Variants in SEMA5B observed in about 807,000 individuals in gnomAD.
SEMA5B encodes semaphorin 5B.
SEMA5B carries 66 observed loss-of-function variants against 135.0 expected under a neutral mutation model. That is an observed-to-expected ratio of 0.49 (90% confidence interval 0.40 to 0.60). The LOEUF (loss-of-function observed/expected upper bound fraction) is 0.60. Among genes scored for constraint, SEMA5B ranks in the 20% least tolerant of loss-of-function variants. SEMA5B has a pLI of 0.00. For missense variants in SEMA5B, 1,501 were observed against 1,566.3 expected (o/e 0.96, Z 0.70); for synonymous variants, 690 against 639.5 (o/e 1.08, Z -1.19).
At chr3:123,009,663 G>A (rs1942392291) in intron 1 of SEMA5B, among the ~76,000 whole-genome samples, 2 of 152,212 alleles carry the variant, frequency 1.3e-5, no homozygotes, top group South Asian at 4.1e-4. Flanking sequence ...GGCTTATCAA[G>A]TGACCTTGCA....
intron 1 of SEMA5B, among the ~76,000 whole-genome samples, chr3:123,003,817 G>C (rs532978958): frequency 6.7e-5 from 10 of 148,708 alleles, no homozygotes; most frequent in Non-Finnish European, 1.2e-4. Flanking sequence ...CTGGGCGACA[G>C]AGCGAGACTC....
At chr3:122,959,674 A>G (rs1034368093) in intron 2 of SEMA5B, among the ~76,000 whole-genome samples, 14 of 152,220 alleles carry the variant, frequency 9.2e-5, no homozygotes, top group Non-Finnish European at 1.8e-4. Flanking sequence ...GTGGAGGAAG[A>G]TGGACCAAAT....
intron 1 of SEMA5B, among the ~76,000 whole-genome samples, chr3:123,014,445 C>T (rs947386307): frequency 1.3e-5 from 2 of 152,350 alleles, no homozygotes; most frequent in East Asian, 1.9e-4. Context: ...CCGACAAGCT[C>T]TTCATGAAAT....
rs116550825 is a variant in SEMA5B, at chr3:122,911,899, G to T, written c.3046+21C>A. The T allele has an allele frequency of 6.0e-5, 95 of 1,583,128 alleles. No homozygotes were observed. In the African/African-American group the frequency reaches 1.2e-3, roughly 21 times the overall value. On this transcript the variant is annotated intron_variant, in intron 20 of 22. Coordinates refer to ENST00000357599, the MANE Select transcript of SEMA5B (RefSeq NM_001031702.4). ...GCAGGCTGGGAAGGGTTGCTGCGCA[G>T]GTGCTGGCAGGGGTACCTACCGGGA...
chr3:123,016,363 C>G (rs142656570), intron 1 of SEMA5B, among the ~76,000 whole-genome samples: 1,949 of 152,316 alleles, frequency 0.013, 21 homozygotes, highest in Non-Finnish European at 0.022. Context: ...CTCAAATGCA[C>G]AAATGTTCAA....
chr3:122,977,984 G>A (rs989913311), intron 1 of SEMA5B, among the ~76,000 whole-genome samples: 1 of 152,234 alleles, frequency 6.6e-6, no homozygotes. Context: ...CTGAGCCAGG[G>A]CCAGACCACC....
chr3:123,003,986 T>C (rs1942245818), intron 1 of SEMA5B, among the ~76,000 whole-genome samples: 1 of 152,208 alleles, frequency 6.6e-6, no homozygotes, highest in South Asian at 2.1e-4. Context: ...GAGGAAGAAC[T>C]TTCTTAGAAA....
intron 1 of SEMA5B, among the ~76,000 whole-genome samples, chr3:122,988,265 C>T (rs1941761640): frequency 1.3e-5 from 2 of 152,222 alleles, no homozygotes; most frequent in Non-Finnish European, 2.9e-5. Context: ...GTTTTAATGG[C>T]AGAGCCAGGA....
At chr3:122,986,434 CA>C (rs1336446185) in intron 1 of SEMA5B, among the ~76,000 whole-genome samples, 1 of 152,152 alleles carries the variant, frequency 6.6e-6, no homozygotes, top group Non-Finnish European at 1.5e-5. Flanking sequence ...AAGTTGCATA[CA>C]AATTTTCATT....
At chr3:122,932,059 A>T (rs1304260191) in intron 5 of SEMA5B, among the ~76,000 whole-genome samples, 1 of 152,206 alleles carries the variant, frequency 6.6e-6, no homozygotes, top group Non-Finnish European at 1.5e-5. Context: ...ATGTGAAAAC[A>T]TGTGCATGTG....
intron 2 of SEMA5B, among the ~76,000 whole-genome samples, chr3:122,957,983 C>A (rs1940408998): frequency 6.6e-6 from 1 of 152,232 alleles, no homozygotes; most frequent in African/African-American, 2.4e-5. Flanking sequence ...ATTAAGCTGA[C>A]TTCCTGCTGC....
At chr3:122,910,363 C>T (rs2107600388) in intron 22 of SEMA5B, 62 bp from the exon 23 acceptor site, 1 of 1,569,712 alleles carries the variant, frequency 6.4e-7, no homozygotes, top group East Asian at 2.2e-5. Context: ...AGGGAACAGG[C>T]CAGAGCAAGG....
chr3:122,962,203 T>G (rs921982497), intron 1 of SEMA5B, among the ~76,000 whole-genome samples: 1 of 152,236 alleles, frequency 6.6e-6, no homozygotes, highest in Non-Finnish European at 1.5e-5. Context: ...TTATTCTGCC[T>G]GCCACACTCA....
chr3:122,923,475 T>C (rs1216846034), intron 10 of SEMA5B, 142 bp downstream of exon 10: 8 of 889,334 alleles, frequency 9.0e-6, no homozygotes, highest in East Asian at 7.5e-5. Flanking sequence ...CAGGGAACCA[T>C]TGTGGACCCC....
chr3:123,027,803 G>A (rs1213453132), upstream of SEMA5B: 1 of 152,416 alleles, frequency 6.6e-6, no homozygotes, highest in African/African-American at 2.4e-5. Context: ...GGGGCGGTGG[G>A]GGAGGAGTTG....
chr3:122,921,979 C>G lies in SEMA5B; in HGVS notation c.1624G>C (p.Val542Leu). ...RILHSARALFVGLRDGVLRVP... is the reference protein window; with the variant it reads ...RILHSARALFLGLRDGVLRVP... ...CGCAGGACGCCGTCTCTCAGCCCCACGAAGAGCGCGCGGGCGCTGTGCAGG... is the reference window on the plus strand; with the variant it reads ...CGCAGGACGCCGTCTCTCAGCCCCAGGAAGAGCGCGCGGGCGCTGTGCAGG... The change falls in exon 12 of 23, where the codon GTG (valine) becomes CTG (leucine). Residue 542 changes from valine (V) to leucine (L), a missense_variant. Physicochemically the swap from Val to Leu is conservative, Grantham distance 32 (BLOSUM62 1). Coordinates refer to ENST00000357599, the MANE Select transcript of SEMA5B (RefSeq NM_001031702.4). 6.5e-7 allele frequency: 1 copy of G among 1,535,468 alleles called. No individual in the cohort carries two copies. The highest frequency in any genetic ancestry group is 8.7e-7 in the Non-Finnish European group (1 of 1,144,844).
At chr3:123,018,912 C>T (rs1449173393) in intron 1 of SEMA5B, among the ~76,000 whole-genome samples, 1 of 152,172 alleles carries the variant, frequency 6.6e-6, no homozygotes, top group African/African-American at 2.4e-5. Context: ...ATGCTGGAAT[C>T]TTGGCAGCTG....
rs1278529060 is a variant in SEMA5B at position 122,909,581 on chromosome 3, G to C, written c.*562C>G. On this transcript the variant is annotated 3_prime_UTR_variant, in exon 23 of 23. Transcript: ENST00000357599. ...GCCCTGGGTAGAGTATAGACTTCCA[G>C]GCAGAGGTGGATAACCTGCGCTGGC... 2.0e-5 allele frequency: 3 copies of C among 153,544 alleles called. No individual in the cohort carries two copies. The highest frequency in any genetic ancestry group is 7.2e-5 in the African/African-American group (3 of 41,456). The allele number at this position is 153,544 out of a possible 1,614,324, so 9.5% of individuals were successfully genotyped here.
At position 122,929,046 on chromosome 3, in the gene SEMA5B, C is replaced by T. The variant is rs1938808373; in HGVS notation, c.487G>A (p.Ala163Thr). ...NVSLLQATEW[A>T]SSEDTRRSCQ... ...GAGCGGCGCGTGTCCTCACTGGAGG[C>T]CCACTCTGTGGCCTGGGGGAGGAAC... is the stretch of plus-strand genomic sequence containing the variant. The change falls in exon 6 of 23, where the codon GCC (alanine) becomes ACC (threonine). Residue 163 changes from alanine (A) to threonine (T), a missense_variant. By Grantham distance (58) the Ala-to-Thr change is moderately conservative. This residue lies in a region of SEMA5B where 574 missense variants were observed against 684.7 expected (regional missense o/e 0.84). Transcript: ENST00000357599. 1.2e-6 allele frequency: 2 copies of T among 1,611,758 alleles called. No homozygotes were observed. Among genetic ancestry groups the T allele is most frequent in the African/African-American group, 1.3e-5 (1 of 74,910 alleles).
Sources: gnomAD v4.1 joint callset for allele counts (sites outside exome capture counted in the v4.1 genomes callset) on GRCh38, gnomAD v4.1.1 for gene constraint, gnomAD v4.1.1 regional missense constraint, MANE v1.5 for transcripts, NCBI Gene and HGNC (gene_info 2026-07-23, HGNC 2026-07-21) for gene names.